Variants in ROR2 observed in about 807,000 individuals in gnomAD.
The protein encoded by ROR2 is ROR family WNT receptor 2.
Under a neutral mutation model 74.9 loss-of-function variants are expected in ROR2, and 33 were observed. That is an observed-to-expected ratio of 0.44 (90% confidence interval 0.33 to 0.59). The LOEUF (loss-of-function observed/expected upper bound fraction) is 0.59. Among genes scored for constraint, ROR2 ranks in the 20% least tolerant of loss-of-function variants. The probability of loss-of-function intolerance (pLI) is 0.02; values close to 1 mark genes in which losing one functional copy is unlikely to be tolerated. For synonymous variants in ROR2, 586 were observed against 558.7 expected (o/e 1.05, Z -0.69); for missense variants, 1,216 against 1,313.8 (o/e 0.93, Z 1.15).
intron 1 of ROR2, 80 bp from the exon 2 acceptor site, chr9:91,775,898 C>T (rs1826404469): frequency 8.3e-7 from 1 of 1,209,622 alleles, no homozygotes; most frequent in Non-Finnish European, 1.2e-6. Context: ...GCAAAGACAA[C>T]AGCATTCTAG....
chr9:91,733,051 C>A lies in ROR2; in HGVS notation c.937+71G>T. ...GGGGCTCCCTGGGCTTCACCGACAC[C>A]CCCATACACATTTCAAGGGCCCTAC... On this transcript the variant is annotated intron_variant, in intron 6 of 8. Transcript: ENST00000375708. The surrounding 1 kb of genome is among the most constrained non-coding windows in gnomAD (Gnocchi z 5.7). The A allele has an allele frequency of 7.0e-7, 1 of 1,433,136 alleles. No homozygotes were observed. Among genetic ancestry groups the A allele is most frequent in the African/African-American group, 1.4e-5 (1 of 70,854 alleles). 88.8% of individuals were successfully genotyped at this position (1,433,136 alleles called of 1,614,324 possible).
intron 1 of ROR2, among the ~76,000 whole-genome samples, chr9:91,807,977 C>T (rs1053035608): frequency 6.6e-6 from 1 of 152,050 alleles, no homozygotes; most frequent in East Asian, 1.9e-4. Flanking sequence ...CTAGCTCGGT[C>T]GCAAGCCTGT....
At chr9:91,858,352 C>A (rs531949324) in intron 1 of ROR2, among the ~76,000 whole-genome samples, 3 of 152,352 alleles carry the variant, frequency 2.0e-5, no homozygotes, top group South Asian at 2.1e-4. Context: ...TGCGTGCACA[C>A]AGGCACACAC....
rs149548577 is a variant in ROR2, at chr9:91,828,542, G to C, written c.98-52724C>G. On this transcript the variant is annotated intron_variant, in intron 1 of 8. Coordinates refer to ENST00000375708, the MANE Select transcript of ROR2 (RefSeq NM_004560.4). ...CAGCCTGGCCAACATGGCAAAACCC[G>C]ATCTCCACTAAAAATACAAAAATTA... is the stretch of plus-strand genomic sequence containing the variant. 2.4e-3 allele frequency among the ~76,000 whole-genome samples: 367 copies of C among 152,072 alleles called. 1 individual carries two copies. The highest frequency in any genetic ancestry group is 8.3e-3 in the African/African-American group (343 of 41,488).
At chr9:91,913,354 C>T (rs1831041881) in intron 1 of ROR2, among the ~76,000 whole-genome samples, 1 of 152,156 alleles carries the variant, frequency 6.6e-6, no homozygotes, top group Non-Finnish European at 1.5e-5. Flanking sequence ...ATGAATCACA[C>T]TTTCAGTCTT....
intron 7 of ROR2, among the ~76,000 whole-genome samples, chr9:91,729,578 A>C (rs542004584): frequency 4.6e-5 from 7 of 152,262 alleles, no homozygotes; most frequent in African/African-American, 1.7e-4. Flanking sequence ...CCCCAGGAGG[A>C]GATCTCCAGG....
chr9:91,859,219 T>TTTTG, intron 1 of ROR2, among the ~76,000 whole-genome samples: 1 of 120,302 alleles, frequency 8.3e-6, no homozygotes, highest in Non-Finnish European at 1.8e-5. Flanking sequence ...TTTTTTTTTT[T>TTTTG]GAGACAGAGT....
At chr9:91,808,739 AC>A (rs2119092377) in intron 1 of ROR2, among the ~76,000 whole-genome samples, 1 of 152,224 alleles carries the variant, frequency 6.6e-6, no homozygotes, top group East Asian at 1.9e-4. Context: ...AGGGCGGATC[AC>A]GAGGTCAGGA....
intron 1 of ROR2, among the ~76,000 whole-genome samples, chr9:91,801,371 T>G (rs1270998018): frequency 6.6e-6 from 1 of 152,176 alleles, no homozygotes; most frequent in South Asian, 2.1e-4. Flanking sequence ...TCTCACTCTG[T>G]CATCAGGCTG....
chr9:91,733,116 A>G lies in ROR2; in HGVS notation c.937+6T>C. On this transcript the variant is annotated splice_donor_region_variant and intron_variant, in intron 6 of 8. Coordinates refer to ENST00000375708, the MANE Select transcript of ROR2 (RefSeq NM_004560.4). The surrounding 1 kb of genome is among the most constrained non-coding windows in gnomAD (Gnocchi z 5.7). ...CCGGTCCCGCCCCGGGCCCTCGGGC[A>G]CTCACAGCGGCCCAGCCTCTCGGCT... is the stretch of plus-strand genomic sequence containing the variant. 1 of 1,588,554 alleles carries G rather than the reference A, an allele frequency of 6.3e-7. No individual in the cohort carries two copies. The highest frequency in any genetic ancestry group is 2.3e-5 in the East Asian group (1 of 43,936).
At chr9:91,857,751 C>G (rs943311479) in intron 1 of ROR2, among the ~76,000 whole-genome samples, 6 of 152,166 alleles carry the variant, frequency 3.9e-5, no homozygotes, top group African/African-American at 1.4e-4. Context: ...CAGCTCCCAG[C>G]GATCAATCTC....
rs1830781636 is a variant in ROR2 at position 91,905,131 on chromosome 9, ACC to A, written c.97+44734_97+44735del. Among the ~76,000 whole-genome samples the A allele has an allele frequency of 1.2e-4, 18 of 151,046 alleles. No homozygotes were observed. The South Asian group carries it at 3.8e-3, about 32-fold the overall frequency. ...ACCACAAACCACATATCACACACAC[ACC>A]CCCCACACAAATATCACACATGCAA... On this transcript the variant is annotated intron_variant, in intron 1 of 8. Coordinates refer to ENST00000375708, the MANE Select transcript of ROR2 (RefSeq NM_004560.4). The surrounding 1 kb of genome is among the most constrained non-coding windows in gnomAD (Gnocchi z 5.3).
chr9:91,732,992 G>T, intron 6 of ROR2, 130 bp downstream of exon 6: 1 of 934,666 alleles, frequency 1.1e-6, no homozygotes, highest in Non-Finnish European at 1.6e-6. Context: ...GGGGCCCTCG[G>T]CTGCTAAGGG....
chr9:91,839,314 C>A (rs1386909540), intron 1 of ROR2, among the ~76,000 whole-genome samples: 1 of 116,744 alleles, frequency 8.6e-6, no homozygotes, highest in Admixed American at 8.2e-5. Context: ...GCATGTGTGC[C>A]TGTGTGTATA....
At chr9:91,945,130 G>A (rs1044447280) in intron 1 of ROR2, among the ~76,000 whole-genome samples, 7 of 151,760 alleles carry the variant, frequency 4.6e-5, no homozygotes, top group African/African-American at 1.7e-4. Context: ...CCAATTCAAT[G>A]CAACCTCTAC....
chr9:91,885,868 C>CTTTT lies in ROR2; in HGVS notation c.97+63995_97+63998dup, dbSNP rs542499117. Among the ~76,000 whole-genome samples, 48 of 108,124 alleles carry CTTTT rather than the reference C, an allele frequency of 4.4e-4. 1 individual carries two copies. The highest frequency in any genetic ancestry group is 2.5e-3 in the East Asian group (9 of 3,538). 70.9% of individuals were successfully genotyped at this position (108,124 alleles called of 152,430 possible). Reference sequence around the variant, plus strand: ...CCTTTTTAAGTAGCAGTATGGTTTCCTTTTTTTTTTTTTTTTTTTTTTGAG... The same window carrying CTTTT: ...CCTTTTTAAGTAGCAGTATGGTTTCCTTTTTTTTTTTTTTTTTTTTTTTTTTGAG... On this transcript the variant is annotated intron_variant, in intron 1 of 8. Coordinates refer to ENST00000375708, the MANE Select transcript of ROR2 (RefSeq NM_004560.4).
In ROR2 at chr9:91,723,738, G is replaced by A; in HGVS notation, c.2756C>T (p.Ser919Phe). 6.2e-7 allele frequency: 1 copy of A among 1,613,960 alleles called. No homozygotes were observed. The highest frequency in any genetic ancestry group is 1.7e-5 in the Admixed American group (1 of 60,026). Residue 919 changes from serine (S) to phenylalanine (F), a missense_variant, in exon 9 of 9, where the codon TCT becomes TTT. Coordinates refer to ENST00000375708, the MANE Select transcript of ROR2 (RefSeq NM_004560.4). ...VQEAEEEEEGSVPETELLGDC... is the reference protein window; with the variant it reads ...VQEAEEEEEGFVPETELLGDC... ...CCCCAGCAGCTCAGTCTCTGGGACA[G>A]AGCCTTCCTCCTCCTCCTCTGCTTC...
At chr9:91,807,442 C>G (rs2119087099) in intron 1 of ROR2, among the ~76,000 whole-genome samples, 1 of 152,312 alleles carries the variant, frequency 6.6e-6, no homozygotes, top group Admixed American at 6.5e-5. Context: ...TTTGTAATAC[C>G]CTTCAAATAA....
intron 2 of ROR2, among the ~76,000 whole-genome samples, chr9:91,771,820 T>TA (rs1826238481): frequency 6.6e-6 from 1 of 152,198 alleles, no homozygotes; most frequent in Admixed American, 6.5e-5. Context: ...AGCTAATTCT[T>TA]AGATTCGCTT....
Sources: allele counts gnomAD v4.1 joint callset (sites outside exome capture counted in the v4.1 genomes callset), GRCh38; gene constraint gnomAD v4.1.1; non-coding constraint Gnocchi (gnomAD v3.1); transcripts MANE v1.5; gene names NCBI Gene and HGNC (gene_info 2026-07-23, HGNC 2026-07-21).